Variants in ADGRG1 observed in about 807,000 individuals in gnomAD.
ADGRG1 encodes adhesion G protein-coupled receptor G1.
ADGRG1 carries 53 observed loss-of-function variants against 73.5 expected under a neutral mutation model. The observed-to-expected ratio is 0.72, with a 90% confidence interval of 0.58 to 0.91. The LOEUF is 0.91. Ranked by LOEUF, ADGRG1 falls within the 40% of genes least tolerant of loss-of-function variation. The probability of loss-of-function intolerance (pLI) is 0.00; values close to 1 mark genes in which losing one functional copy is unlikely to be tolerated. For synonymous variants in ADGRG1, 394 were observed against 374.4 expected, an observed-to-expected ratio of 1.05 and a Z score of -0.60; for missense variants, 795 against 871.8, an observed-to-expected ratio of 0.91 and a Z score of 1.11.
At chr16:57,661,453 T>C (rs1243470397) in intron 12 of ADGRG1, 2 of 984,688 alleles carry the variant, frequency 2.0e-6, no homozygotes, top group East Asian at 2.3e-4. Context: ...GCTCTTTATG[T>C]TGTGACCCAG....
chr16:57,653,166 G>T, intron 3 of ADGRG1, 37 bp from the exon 4 acceptor site: 2 of 1,602,132 alleles, frequency 1.2e-6, no homozygotes, highest in Non-Finnish European at 1.7e-6. Flanking sequence ...GACCTGAATC[G>T]GCAGCCTCGG....
At chr16:57,636,668 G>A in intron 1 of ADGRG1, 1 of 985,310 alleles carries the variant, frequency 1.0e-6, no homozygotes, top group Non-Finnish European at 1.2e-6. Context: ...CTTTTGGGAA[G>A]AGGTGTGGAG....
At chr16:57,644,702 GGGCACACAC>G (rs1567721062) in intron 1 of ADGRG1, among the ~76,000 whole-genome samples, 1 of 126,938 alleles carries the variant, frequency 7.9e-6, no homozygotes, top group Admixed American at 8.0e-5. Flanking sequence ...ACACATGCAC[GGGCACACAC>G]TGATCACACG....
At chr16:57,636,592 C>G in intron 1 of ADGRG1, 1 of 985,112 alleles carries the variant, frequency 1.0e-6, no homozygotes, top group Non-Finnish European at 1.2e-6. Context: ...CTGAGTGGCA[C>G]TTTTGGGTTG....
At chr16:57,643,030 C>G (rs1255964512) in intron 1 of ADGRG1, 1 of 152,160 alleles carries the variant, frequency 6.6e-6, no homozygotes, top group Admixed American at 6.5e-5. Context: ...AAGCTGTGAT[C>G]CTCCCTCTCC....
chr16:57,660,165 G>A, intron 11 of ADGRG1: 2 of 740,982 alleles, frequency 2.7e-6, no homozygotes, highest in Non-Finnish European at 3.3e-6. Flanking sequence ...CAGACCTACA[G>A]CCCAGGGGCT....
rs1567834790 is a variant in ADGRG1, at chr16:57,663,622, GGCCT to G, written c.*41_*44del. 6.2e-7 allele frequency: 1 copy of G among 1,601,586 alleles called. No homozygotes were observed. The highest frequency in any genetic ancestry group is 1.3e-5 in the African/African-American group (1 of 74,824). ...TGCCCATGTGATGAAGCAGAGATTC[GGCCT>G]CGTCGCACACTGCCTGTGGCCCCCG... On this transcript the variant is annotated 3_prime_UTR_variant, in exon 14 of 14. Transcript: ENST00000562631.
In ADGRG1 at chr16:57,659,669, G is replaced by A. The variant is rs751829617; in HGVS notation, c.1543G>A (p.Ala515Thr). ...CCCTGGCTACCTACTCAAGCTGAGC[G>A]CCATGGGCTGGGGTAAGTGGTTGGG... is the stretch of plus-strand genomic sequence containing the variant. ...YVPGYLLKLS[A>T]MGWGFPIFLV... is the part of the protein sequence containing the mutation. The change falls in exon 11 of 14, where the codon GCC (alanine) becomes ACC (threonine). Residue 515 changes from alanine to threonine, a missense_variant. Ala to Thr is a moderately conservative substitution (Grantham distance 58, BLOSUM62 0). Coordinates refer to ENST00000562631, the MANE Select transcript of ADGRG1 (RefSeq NM_201525.4). 2.5e-6 allele frequency: 4 copies of A among 1,613,812 alleles called. No homozygotes were observed. Among genetic ancestry groups the A allele is most frequent in the Non-Finnish European group, 2.5e-6 (3 of 1,179,992 alleles).
intron 1 of ADGRG1, chr16:57,634,450 G>A (rs1286298327): frequency 5.1e-6 from 5 of 985,294 alleles, no homozygotes; most frequent in Admixed American, 6.1e-5. Context: ...CCAAACTTCC[G>A]CCCCTGGGGC....
In ADGRG1 at chr16:57,659,636, A is replaced by C. The variant is rs1228470686; in HGVS notation, c.1510A>C (p.Thr504Pro). ...LYRLVVEVFG[T>P]YVPGYLLKLS... is the part of the protein sequence containing the mutation. ...CCGACTCGTGGTGGAGGTCTTTGGC[A>C]CCTATGTCCCTGGCTACCTACTCAA... is the stretch of plus-strand genomic sequence containing the variant. The change falls in exon 11 of 14, where the codon ACC (threonine) becomes CCC (proline). Residue 504 changes from threonine (T) to proline (P), a missense_variant. By Grantham distance (38) the Thr-to-Pro change is conservative (BLOSUM62 -1). Transcript: ENST00000562631. 1 of 1,613,768 alleles carries C rather than the reference A, an allele frequency of 6.2e-7. No homozygotes were observed. The highest frequency in any genetic ancestry group is 1.3e-5 in the African/African-American group (1 of 74,944).
Position 57,646,709 on chromosome 16 carries a change from G to A in ADGRG1, c.-35-3544G>A, listed in dbSNP as rs2042740290. Reference sequence around the variant, plus strand: ...CAGCTCTACAAGGAGGGGGAGACTTGGCACCACGCTCGTGTGATCTCAGAA... The same window carrying A: ...CAGCTCTACAAGGAGGGGGAGACTTAGCACCACGCTCGTGTGATCTCAGAA... On this transcript the variant is annotated intron_variant, in intron 1 of 13. Coordinates refer to ENST00000562631, the MANE Select transcript of ADGRG1 (RefSeq NM_201525.4). 3.0e-6 allele frequency: 3 copies of A among 984,168 alleles called. No individual in the cohort carries two copies. In the South Asian group the frequency reaches 1.4e-4, roughly 46 times the overall value. The allele number at this position is 984,168 out of a possible 1,614,324, so 61.0% of individuals were successfully genotyped here.
chr16:57,644,059 C>T (rs2041571112), intron 1 of ADGRG1: 16 of 985,310 alleles, frequency 1.6e-5, no homozygotes, highest in Non-Finnish European at 1.9e-5. Context: ...CGCCACGCCA[C>T]CCACCATGGA....
chr16:57,663,274 C>A (rs148042360), intron 13 of ADGRG1, 178 bp from the exon 14 acceptor site: 90 of 963,872 alleles, frequency 9.3e-5, no homozygotes, highest in Middle Eastern at 5.3e-4. Context: ...CACGGGGACG[C>A]AGCACAGTGC....
At chr16:57,624,635 A>T (rs1223637920), upstream of ADGRG1, 7 of 618,662 alleles carry the variant, frequency 1.1e-5, no homozygotes, top group African/African-American at 1.4e-4. Flanking sequence ...GGTTAGAGAT[A>T]GAAAAAGGGG....
chr16:57,621,998 C>A, intron 2 of ADGRG1: 1 of 357,788 alleles, frequency 2.8e-6, no homozygotes, highest in Non-Finnish European at 3.9e-6. Context: ...GGTGGCCTAC[C>A]TGTAATCCCA....
intron 1 of ADGRG1, chr16:57,637,539 C>A: frequency 1.0e-6 from 1 of 985,414 alleles, no homozygotes; most frequent in Non-Finnish European, 1.2e-6. Flanking sequence ...CAACAGAGGC[C>A]GCCTTCTCCG....
chr16:57,662,412 TGGGG>T (rs71383257), intron 13 of ADGRG1, among the ~76,000 whole-genome samples: 1 of 151,564 alleles, frequency 6.6e-6, no homozygotes, highest in Admixed American at 6.6e-5. Flanking sequence ...CATGGAGAGA[TGGGG>T]GGGCCTCCCT....
chr16:57,645,014 G>A (rs2042210188), intron 1 of ADGRG1: 2 of 941,512 alleles, frequency 2.1e-6, no homozygotes, highest in South Asian at 9.8e-5. Context: ...TCATGCATGG[G>A]CGCACACACT....
At chr16:57,656,824 T>A (rs187327167) in intron 9 of ADGRG1, among the ~76,000 whole-genome samples, 155 of 152,368 alleles carry the variant, frequency 1.0e-3, no homozygotes, top group African/African-American at 3.4e-3. Context: ...GTGAAAGAGC[T>A]GGTTTGTAGA....
Sources: gnomAD v4.1 joint callset for allele counts (sites outside exome capture counted in the v4.1 genomes callset) on GRCh38, gnomAD v4.1.1 for gene constraint, MANE v1.5 for transcripts, NCBI Gene and HGNC (gene_info 2026-07-23, HGNC 2026-07-21) for gene names.